The following HLCS variants were observed in gnomAD, a reference collection of about 807,000 sequenced individuals.
HLCS encodes holocarboxylase synthetase.
In HLCS, 53 loss-of-function variants were observed where a neutral mutation model predicts 75.0. The ratio of observed to expected loss-of-function variants is 0.71; its 90% confidence interval spans 0.57 to 0.89. The LOEUF (loss-of-function observed/expected upper bound fraction) is 0.89, where lower values mean the gene tolerates loss of function less well. Among genes scored for constraint, HLCS ranks in the 40% least tolerant of loss-of-function variants. The pLI, the probability that HLCS is intolerant of heterozygous loss-of-function variation, is 0.00. For missense variants in HLCS, 966 were observed against 1,074.0 expected, an observed-to-expected ratio of 0.90 and a Z score of 1.41; for synonymous variants, 431 against 428.6, an observed-to-expected ratio of 1.01 and a Z score of -0.07.
At chr21:36,966,318 C>T in intron 1 of HLCS, 126 bp downstream of exon 1, 7 of 321,274 alleles carry the variant, frequency 2.2e-5, no homozygotes, top group Non-Finnish European at 3.1e-5. Context: ...CCGGGCCGCA[C>T]AGGCCGCACT....
At chr21:36,912,674 A>C (rs2065769539) in intron 5 of HLCS, among the ~76,000 whole-genome samples, 1 of 152,228 alleles carries the variant, frequency 6.6e-6, no homozygotes. Context: ...TTATCACATT[A>C]AAGAGAGAAA....
At chr21:36,810,540 C>T (rs2061482496) in intron 6 of HLCS, among the ~76,000 whole-genome samples, 1 of 152,184 alleles carries the variant, frequency 6.6e-6, no homozygotes. Flanking sequence ...GAGGTTCTCC[C>T]ACCATAAACT....
At chr21:36,837,054 G>A (rs2062438413) in intron 6 of HLCS, among the ~76,000 whole-genome samples, 1 of 152,144 alleles carries the variant, frequency 6.6e-6, no homozygotes, top group African/African-American at 2.4e-5. Context: ...GTGGTGGCAT[G>A]TGCCTGTAAT....
chr21:36,866,804 G>T lies in HLCS; in HGVS notation c.1892+30056C>A, dbSNP rs192260326. Among the ~76,000 whole-genome samples the T allele has an allele frequency of 3.3e-5, 5 of 151,242 alleles. No homozygotes were observed. In the East Asian group the frequency reaches 7.7e-4, roughly 23 times the overall value. On this transcript the variant is annotated intron_variant, in intron 6 of 10. Coordinates refer to ENST00000674895, the MANE Select transcript of HLCS (RefSeq NM_001352514.2). ...AAGTAGAAATAAATTAGTAGTAGAT[G>T]ATGCTGGCTATAAAACCAAGCCAAG... is the stretch of plus-strand genomic sequence containing the variant.
chr21:36,794,522 C>G (rs1167548788), intron 6 of HLCS, among the ~76,000 whole-genome samples: 1 of 152,108 alleles, frequency 6.6e-6, no homozygotes, highest in Non-Finnish European at 1.5e-5. Context: ...CTGAAGCACA[C>G]TCTGTGCGTA....
chr21:36,970,636 C>G (rs531708830), upstream of HLCS, among the ~76,000 whole-genome samples: 3 of 151,860 alleles, frequency 2.0e-5, no homozygotes, highest in Admixed American at 6.6e-5. Context: ...CCCAAAGTAC[C>G]GGGATTACAA....
At chr21:36,876,303 T>C (rs1371261327) in intron 6 of HLCS, among the ~76,000 whole-genome samples, 1 of 152,146 alleles carries the variant, frequency 6.6e-6, no homozygotes, top group African/African-American at 2.4e-5. Flanking sequence ...AGCAATACTC[T>C]AAGGATCCTG....
At chr21:36,969,764 G>A (rs1325861235), upstream of HLCS, 3 of 152,074 alleles carry the variant, frequency 2.0e-5, no homozygotes, top group Non-Finnish European at 2.9e-5. Context: ...GTAGAGATGG[G>A]GTTTCACCAT....
chr21:36,784,795 C>T (rs1427413932), intron 6 of HLCS, among the ~76,000 whole-genome samples: 1 of 152,108 alleles, frequency 6.6e-6, no homozygotes, highest in East Asian at 1.9e-4. Flanking sequence ...ATACTACCAG[C>T]TTGGTGGCCA....
At chr21:36,971,050 G>A (rs932274347), upstream of HLCS, among the ~76,000 whole-genome samples, 4 of 151,146 alleles carry the variant, frequency 2.6e-5, no homozygotes, top group Admixed American at 6.6e-5. Context: ...ACTTTAATAC[G>A]TATATTAACA....
chr21:36,841,262 C>A lies in HLCS; in HGVS notation c.1892+55598G>T, dbSNP rs75332284. 1.5e-4 allele frequency among the ~76,000 whole-genome samples: 23 copies of A among 152,244 alleles called. No individual in the cohort carries two copies. In the East Asian group the frequency reaches 4.4e-3, roughly 29 times the overall value. ...AACCAAGGATATTCTTTTGGCTTTT[C>A]GGGGAATTTGTCTGTCTTCAAACAA... On this transcript the variant is annotated intron_variant, in intron 6 of 10. Coordinates refer to ENST00000674895, the MANE Select transcript of HLCS (RefSeq NM_001352514.2).
intron 6 of HLCS, among the ~76,000 whole-genome samples, chr21:36,873,386 G>A (rs2063841064): frequency 1.3e-5 from 2 of 152,214 alleles, no homozygotes; most frequent in South Asian, 4.1e-4. Context: ...AAAGTGCTGG[G>A]ATCACAAGCG....
chr21:36,965,678 T>C (rs779566193), intron 1 of HLCS, among the ~76,000 whole-genome samples: 5 of 151,974 alleles, frequency 3.3e-5, no homozygotes, highest in Non-Finnish European at 7.4e-5. Context: ...TTTTGTAAAT[T>C]TGGGGACATC....
At chr21:36,882,620 CTTTTTTT>C (rs35012674) in intron 6 of HLCS, among the ~76,000 whole-genome samples, 5 of 104,478 alleles carry the variant, frequency 4.8e-5, no homozygotes, top group Admixed American at 2.0e-4. Context: ...TTCTTTCTTT[CTTTTTTT>C]TTTTTTTTTT....
upstream of HLCS, among the ~76,000 whole-genome samples, chr21:36,967,181 C>G (rs985954025): frequency 6.6e-6 from 1 of 152,072 alleles, no homozygotes; most frequent in African/African-American, 2.4e-5. Context: ...AGCAGCACAC[C>G]GGGAGTCCCA....
In HLCS at chr21:36,802,527, T is replaced by C. The variant is rs546415949; in HGVS notation, c.1893-35242A>G. 3.6e-3 allele frequency among the ~76,000 whole-genome samples: 556 copies of C among 152,344 alleles called. 13 individuals are homozygous for C. The highest frequency in any genetic ancestry group is 7.9e-4 in the Non-Finnish European group (54 of 68,032). On this transcript the variant is annotated intron_variant, in intron 6 of 10. Coordinates refer to ENST00000674895, the MANE Select transcript of HLCS (RefSeq NM_001352514.2). ...CAGAAAATTTAGTCAATAAAAAAAG[T>C]TGAAAAGTTGCTATTGTTATTGCCA...
At chr21:36,792,700 A>G (rs1468853313) in intron 6 of HLCS, among the ~76,000 whole-genome samples, 1 of 152,108 alleles carries the variant, frequency 6.6e-6, no homozygotes, top group East Asian at 1.9e-4. Context: ...CATGCCCAGT[A>G]CCTATGACAA....
chr21:36,969,835 C>T (rs1023343963), upstream of HLCS, among the ~76,000 whole-genome samples: 8 of 151,990 alleles, frequency 5.3e-5, no homozygotes, highest in Admixed American at 3.9e-4. Context: ...AGCCTCCCAA[C>T]GTGCTGGGAT....
intron 5 of HLCS, among the ~76,000 whole-genome samples, chr21:36,901,420 C>T (rs1601681729): frequency 6.6e-6 from 1 of 152,188 alleles, no homozygotes; most frequent in Non-Finnish European, 1.5e-5. Flanking sequence ...AAAAGAGTGA[C>T]TGTAGTTAAA....
Sources: allele counts gnomAD v4.1 joint callset (sites outside exome capture counted in the v4.1 genomes callset), GRCh38; gene constraint gnomAD v4.1.1; transcripts MANE v1.5; gene names NCBI Gene and HGNC (gene_info 2026-07-23, HGNC 2026-07-21).